The following UBE2W variants were observed in gnomAD, a reference collection of about 807,000 sequenced individuals.
UBE2W encodes the protein ubiquitin conjugating enzyme E2 W.
UBE2W carries 18 observed loss-of-function variants against 27.2 expected under a neutral mutation model. The ratio of observed to expected loss-of-function variants is 0.66; its 90% confidence interval spans 0.46 to 0.98. The LOEUF is 0.98. UBE2W is among the 50% of genes least tolerant of loss of function. The pLI is 0.00. For missense variants in UBE2W, 90 were observed against 180.2 expected (o/e 0.50, Z 2.87); for synonymous variants, 53 against 57.2 (o/e 0.93, Z 0.33).
downstream of UBE2W, among the ~76,000 whole-genome samples, chr8:73,784,066 A>G (rs1807893280): frequency 6.6e-6 from 1 of 151,934 alleles, no homozygotes; most frequent in Non-Finnish European, 1.5e-5. Context: ...ATGGTTTTTT[A>G]CCACTCTAAT....
intron 3 of UBE2W, among the ~76,000 whole-genome samples, chr8:73,819,533 A>C (rs968231796): frequency 6.6e-6 from 1 of 152,220 alleles, no homozygotes; most frequent in Non-Finnish European, 1.5e-5. Context: ...TGCCCAATAC[A>C]TGTTGAATTA....
chr8:73,818,134 T>C (rs1294094494), intron 3 of UBE2W, among the ~76,000 whole-genome samples: 1 of 152,238 alleles, frequency 6.6e-6, no homozygotes, highest in Non-Finnish European at 1.5e-5. Flanking sequence ...CTTTCCCTTT[T>C]GCCCCCAAAG....
intron 3 of UBE2W, among the ~76,000 whole-genome samples, chr8:73,823,918 A>T (rs1809725417): frequency 6.6e-6 from 1 of 152,216 alleles, no homozygotes; most frequent in South Asian, 2.1e-4. Flanking sequence ...TATTGTTTAA[A>T]GTGACAATGA....
rs1227976592 is a variant in UBE2W at position 73,790,027 on chromosome 8, A to G, written c.*4075T>C. The stretch of plus-strand genomic sequence containing the variant: ...AATTACAGCTAACAGCTCATTTACC[A>G]AGTAGTCAATTATTCAACAAATTTA... On this transcript the variant is annotated 3_prime_UTR_variant, in exon 6 of 6. Coordinates refer to ENST00000602593, the MANE Select transcript of UBE2W (RefSeq NM_018299.6). The G allele has an allele frequency of 4.1e-6, 4 of 985,308 alleles. No homozygotes were observed. The East Asian group carries it at 3.4e-4, about 84-fold the overall frequency. The allele number at this position is 985,308 out of a possible 1,614,324, so 61.0% of individuals were successfully genotyped here.
intron 1 of UBE2W, among the ~76,000 whole-genome samples, chr8:73,865,587 C>T (rs2130981748): frequency 6.6e-6 from 1 of 152,242 alleles, no homozygotes; most frequent in African/African-American, 2.4e-5. Context: ...ATACCCTAGC[C>T]TGGGTGAGAG....
intron 1 of UBE2W, among the ~76,000 whole-genome samples, chr8:73,846,550 T>G (rs73338496): frequency 0.031 from 4,759 of 152,294 alleles, 230 homozygotes; most frequent in African/African-American, 0.1. Context: ...TACAGGATTT[T>G]TAGGAATACT....
chr8:73,805,689 C>T lies in UBE2W; in HGVS notation c.404G>A (p.Cys135Tyr). 1 of 1,544,298 alleles carries T rather than the reference C, an allele frequency of 6.5e-7. No homozygotes were observed. The highest frequency in any genetic ancestry group is 1.3e-5 in the South Asian group (1 of 77,830). Reference protein sequence around the residue: ...PPDNSFYVRTCNKNPKKTKWW... With the variant: ...PPDNSFYVRTYNKNPKKTKWW... ...TTTTGTTTTCTTTGGATTCTTGTTACATGTTCGCACATAAAAAGAATTATC... is the reference window on the plus strand; with the variant it reads ...TTTTGTTTTCTTTGGATTCTTGTTATATGTTCGCACATAAAAAGAATTATC... The change falls in exon 5 of 6, where the codon TGT becomes TAT. Residue 135 changes from cysteine to tyrosine, a missense_variant. By Grantham distance (194) the Cys-to-Tyr change is radical. Transcript: ENST00000602593.
At chr8:73,874,138 AT>A (rs1208855350) in intron 1 of UBE2W, among the ~76,000 whole-genome samples, 1 of 152,236 alleles carries the variant, frequency 6.6e-6, no homozygotes, top group East Asian at 1.9e-4. Context: ...AGGTTATAAA[AT>A]TTAAAAACAC....
intron 5 of UBE2W, 46 bp from the exon 6 acceptor site, chr8:73,794,161 T>C (rs745601162): frequency 6.3e-7 from 1 of 1,598,334 alleles, no homozygotes; most frequent in Non-Finnish European, 8.5e-7. Context: ...CAAGCATGTA[T>C]AAGTAAATTC....
chr8:73,865,987 T>C (rs1039016076), intron 1 of UBE2W, among the ~76,000 whole-genome samples: 4 of 152,052 alleles, frequency 2.6e-5, no homozygotes, highest in African/African-American at 7.2e-5. Flanking sequence ...CACAAACATA[T>C]TCTCAGCAGA....
intron 3 of UBE2W, among the ~76,000 whole-genome samples, chr8:73,813,575 C>A (rs778004805): frequency 6.6e-6 from 1 of 152,104 alleles, no homozygotes; most frequent in Non-Finnish European, 1.5e-5. Context: ...AATAGGTAAC[C>A]CTTAGGGCCT....
At chr8:73,866,291 ATAT>A (rs1320409835) in intron 1 of UBE2W, among the ~76,000 whole-genome samples, 77 of 44,704 alleles carry the variant, frequency 1.7e-3, no homozygotes, top group Non-Finnish European at 2.8e-3. Context: ...AAAAAAAAAA[ATAT>A]ATATATATAT....
chr8:73,824,444 C>T (rs1201487905), intron 3 of UBE2W, among the ~76,000 whole-genome samples: 2 of 152,204 alleles, frequency 1.3e-5, no homozygotes. Context: ...AATCATAGTA[C>T]TCCTTCCAAC....
intron 1 of UBE2W, among the ~76,000 whole-genome samples, chr8:73,832,251 T>C (rs1004616565): frequency 3.3e-5 from 5 of 151,922 alleles, no homozygotes; most frequent in Non-Finnish European, 5.9e-5. Flanking sequence ...CAGTGAACTA[T>C]AGTTGTACCA....
chr8:73,870,311 CA>C, intron 1 of UBE2W: 1 of 1,571,734 alleles, frequency 6.4e-7, no homozygotes, highest in Non-Finnish European at 8.6e-7. Context: ...TCTGAAAATA[CA>C]AAGAAAGACC....
chr8:73,839,387 C>T (rs1004458255), intron 1 of UBE2W, among the ~76,000 whole-genome samples: 6 of 149,886 alleles, frequency 4.0e-5, no homozygotes, highest in African/African-American at 1.5e-4. Flanking sequence ...CACATTGGCT[C>T]ACACCTGTAA....
chr8:73,785,063 C>T (rs1392189999), downstream of UBE2W, among the ~76,000 whole-genome samples: 2 of 152,178 alleles, frequency 1.3e-5, no homozygotes, highest in Non-Finnish European at 2.9e-5. Context: ...CATGCAAACT[C>T]CTCTCCTGTC....
chr8:73,830,255 T>G (rs542481676), intron 2 of UBE2W, 126 bp downstream of exon 2: 1 of 662,820 alleles, frequency 1.5e-6, no homozygotes, highest in East Asian at 2.8e-5. Flanking sequence ...ATAAGATCTG[T>G]TTACTCTATT....
At chr8:73,827,515 G>C (rs937870190) in intron 2 of UBE2W, among the ~76,000 whole-genome samples, 2 of 151,738 alleles carry the variant, frequency 1.3e-5, no homozygotes, top group Admixed American at 1.3e-4. Flanking sequence ...CACCTGGCCT[G>C]TGCATGGTAC....
Sources: gnomAD v4.1 joint callset for allele counts (sites outside exome capture counted in the v4.1 genomes callset) on GRCh38, gnomAD v4.1.1 for gene constraint, MANE v1.5 for transcripts, NCBI Gene and HGNC (gene_info 2026-07-23, HGNC 2026-07-21) for gene names.